The following PTPN3 variants were observed in gnomAD, a reference collection of about 807,000 sequenced individuals.
The protein encoded by PTPN3 is protein tyrosine phosphatase non-receptor type 3.
PTPN3 carries 96 observed loss-of-function variants against 132.7 expected under a neutral mutation model. The ratio of observed to expected loss-of-function variants is 0.72; its 90% CI spans 0.61 to 0.86. The LOEUF (loss-of-function observed/expected upper bound fraction) is 0.86. PTPN3 is among the 40% of genes least tolerant of loss of function. The pLI is 0.00. For missense variants in PTPN3, 1,125 were observed against 1,159.6 expected (o/e 0.97, Z 0.43); for synonymous variants, 398 against 429.0 (o/e 0.93, Z 0.89).
chr9:109,514,723 G>T, the PTPN3 span, among the ~76,000 whole-genome samples: 2 of 152,134 alleles, frequency 1.3e-5, no homozygotes, highest in African/African-American at 4.8e-5. Flanking sequence ...ATGTGACTTT[G>T]CAGTTCCTTC....
At chr9:109,450,403 T>A (rs1281030220) in intron 5 of PTPN3, 9 of 984,790 alleles carry the variant, frequency 9.1e-6, no homozygotes, top group Non-Finnish European at 1.1e-5. Context: ...GAGTTATAGA[T>A]AATCCAATGG....
At chr9:109,531,745 A>G in the PTPN3 span, among the ~76,000 whole-genome samples, 1 of 152,080 alleles carries the variant, frequency 6.6e-6, no homozygotes, top group African/African-American at 2.4e-5. Context: ...GCCTGTGAGC[A>G]TCTCCCCAGG....
intron 7 of PTPN3, among the ~76,000 whole-genome samples, chr9:109,441,548 T>C (rs1844471134): frequency 6.6e-6 from 1 of 152,168 alleles, no homozygotes; most frequent in Non-Finnish European, 1.5e-5. Context: ...TGTAGACTCC[T>C]TGGGGAGAGC....
At chr9:109,444,432 T>C (rs941010459) in intron 7 of PTPN3, among the ~76,000 whole-genome samples, 1 of 152,194 alleles carries the variant, frequency 6.6e-6, no homozygotes, top group Non-Finnish European at 1.5e-5. Context: ...GAAAATTCCA[T>C]CTGGACTTTC....
chr9:109,504,248 A>G, the PTPN3 span, among the ~76,000 whole-genome samples: 2 of 152,194 alleles, frequency 1.3e-5, no homozygotes, highest in East Asian at 1.9e-4. Context: ...AGAAAGCTGC[A>G]GGAGATGGAG....
chr9:109,391,870 T>TGGGG (rs367927103), intron 19 of PTPN3, among the ~76,000 whole-genome samples: 4 of 29,442 alleles, frequency 1.4e-4, no homozygotes, highest in African/African-American at 5.1e-4. Context: ...CAACTAGATG[T>TGGGG]GGGGGGGGGG....
chr9:109,482,416 T>C (rs552965447), intron 1 of PTPN3, among the ~76,000 whole-genome samples: 1 of 152,336 alleles, frequency 6.6e-6, no homozygotes, highest in African/African-American at 2.4e-5. Context: ...TAACCGCAAC[T>C]AATTAAAACA....
At chr9:109,454,437 T>C in intron 5 of PTPN3, 59 bp downstream of exon 5, 1 of 1,395,322 alleles carries the variant, frequency 7.2e-7, no homozygotes, top group Non-Finnish European at 1.0e-6. Flanking sequence ...GAAGAGTACA[T>C]TTTTAGTGGT....
At chr9:109,518,318 C>T in the PTPN3 span, among the ~76,000 whole-genome samples, 3 of 152,228 alleles carry the variant, frequency 2.0e-5, no homozygotes, top group Non-Finnish European at 2.9e-5. Flanking sequence ...AGAACTCAGA[C>T]ATGGCACCCA....
intron 14 of PTPN3, among the ~76,000 whole-genome samples, chr9:109,411,990 G>C (rs974932249): frequency 2.0e-5 from 3 of 152,186 alleles, no homozygotes; most frequent in African/African-American, 7.2e-5. Context: ...GAAAAAGCAT[G>C]ACTTTCACTT....
intron 24 of PTPN3, 83 bp downstream of exon 24, chr9:109,382,219 T>G: frequency 1.4e-6 from 2 of 1,472,918 alleles, no homozygotes; most frequent in Non-Finnish European, 9.3e-7. Flanking sequence ...GGATGTAGGG[T>G]GGGTCTGGCG....
chr9:109,408,169 C>G, intron 17 of PTPN3, 152 bp downstream of exon 17: 1 of 523,152 alleles, frequency 1.9e-6, no homozygotes, highest in Non-Finnish European at 3.3e-6. Context: ...AAAGACCACA[C>G]TGAGCCGCAA....
chr9:109,533,824 T>C, the PTPN3 span: 11 of 879,360 alleles, frequency 1.3e-5, no homozygotes, highest in Non-Finnish European at 1.9e-5. Flanking sequence ...CCTCGTTCTT[T>C]CCCCCACTCT....
chr9:109,396,379 C>CT (rs1055201458), intron 19 of PTPN3, among the ~76,000 whole-genome samples: 1 of 151,944 alleles, frequency 6.6e-6, no homozygotes, highest in African/African-American at 2.4e-5. Context: ...AGAACCTTCA[C>CT]TTTTTTTTCA....
intron 10 of PTPN3, among the ~76,000 whole-genome samples, chr9:109,432,718 A>T (rs919372145): frequency 2.6e-5 from 4 of 152,194 alleles, no homozygotes; most frequent in Non-Finnish European, 4.4e-5. Flanking sequence ...ATAACCGAGG[A>T]ACAGAAATGA....
the PTPN3 span, chr9:109,533,963 G>A: frequency 1.3e-6 from 1 of 756,388 alleles, no homozygotes; most frequent in Non-Finnish European, 2.4e-6. Flanking sequence ...TATAACATGT[G>A]CTGCCTCTGC....
chr9:109,415,771 T>G (rs1481818616), intron 14 of PTPN3, among the ~76,000 whole-genome samples: 2 of 152,144 alleles, frequency 1.3e-5, no homozygotes, highest in Non-Finnish European at 2.9e-5. Context: ...GAGGGACGAC[T>G]GATGTTTCAA....
the PTPN3 span, among the ~76,000 whole-genome samples, chr9:109,521,669 A>C: frequency 6.6e-6 from 1 of 152,068 alleles, no homozygotes; most frequent in Non-Finnish European, 1.5e-5. Context: ...AGGTTTTTCT[A>C]CCAAAATACT....
the PTPN3 span, among the ~76,000 whole-genome samples, chr9:109,517,342 G>A: frequency 2.6e-5 from 4 of 152,132 alleles, no homozygotes; most frequent in Non-Finnish European, 5.9e-5. Flanking sequence ...GGTCCCCCAG[G>A]CCTGGGGAAC....
Sources: gnomAD v4.1 joint callset for allele counts (sites outside exome capture counted in the v4.1 genomes callset) on GRCh38, gnomAD v4.1.1 for gene constraint, MANE v1.5 for transcripts, NCBI Gene and HGNC (gene_info 2026-07-23, HGNC 2026-07-21) for gene names.